OASL: variants seen among roughly 807,000 people sequenced by gnomAD.
The protein encoded by OASL is 2'-5'-oligoadenylate synthetase like.
Under a neutral mutation model 35.3 loss-of-function variants are expected in OASL, and 28 were observed. The ratio of observed to expected loss-of-function variants is 0.79; its 90% confidence interval spans 0.59 to 1.09. The LOEUF (loss-of-function observed/expected upper bound fraction) is 1.09. Ranked by LOEUF, OASL falls within the 50% of genes least tolerant of loss-of-function variation. OASL has a pLI of 0.00. For synonymous variants in OASL, 252 were observed against 254.6 expected (o/e 0.99, Z 0.10); for missense variants, 620 against 635.2 (o/e 0.98, Z 0.26).
At chr12:121,020,111 T>G (rs2259690) in exon 6 of OASL, 68,101 of 155,166 alleles carry the variant, frequency 0.44, 15,953 homozygotes, top group East Asian at 0.74. Context: ...GGATAATCCT[T>G]TTTTTAAACG....
At chr12:121,033,740 C>A (rs778376860) in exon 2 of OASL, 1 of 1,611,784 alleles carries the variant, frequency 6.2e-7, no homozygotes, top group Non-Finnish European at 8.5e-7. Context: ...CCGAAGGAGC[C>A]CACCTGCAGA....
intron 3 of OASL, among the ~76,000 whole-genome samples, chr12:121,029,666 C>G (rs573835759): frequency 6.6e-6 from 1 of 151,074 alleles, no homozygotes; most frequent in East Asian, 1.9e-4. Flanking sequence ...CCAGCCTGGG[C>G]GACAGAGCAA....
chr12:121,024,902 A>C (rs1035624451), intron 4 of OASL, among the ~76,000 whole-genome samples: 3 of 151,710 alleles, frequency 2.0e-5, no homozygotes, highest in Admixed American at 6.6e-5. Context: ...GCAATTCTAT[A>C]AGGTAGGGAC....
At chr12:121,024,208 C>T (rs534757465) in intron 4 of OASL, 71 bp from the exon 5 acceptor site, 14 of 1,536,770 alleles carry the variant, frequency 9.1e-6, no homozygotes, top group South Asian at 2.3e-5. Context: ...AAAACCTTCT[C>T]GGCAATTATT....
At chr12:121,027,578 C>T (rs1353637776) in exon 4 of OASL, 5 of 1,613,998 alleles carry the variant, frequency 3.1e-6, no homozygotes, top group South Asian at 2.2e-5. Flanking sequence ...TCCAGTACCT[C>T]TCTTTTTTGA....
chr12:121,022,245 C>T (rs911612731), intron 5 of OASL, among the ~76,000 whole-genome samples: 2 of 152,182 alleles, frequency 1.3e-5, no homozygotes, highest in Admixed American at 6.5e-5. Flanking sequence ...TGCCACCACA[C>T]CCAGCTAATT....
chr12:121,022,770 C>T (rs576146687), intron 5 of OASL, among the ~76,000 whole-genome samples: 7 of 152,284 alleles, frequency 4.6e-5, no homozygotes, highest in South Asian at 2.1e-4. Flanking sequence ...TATCTCCCCC[C>T]GGCCTTTAGG....
chr12:121,026,391 TC>T (rs1218485994), intron 4 of OASL, among the ~76,000 whole-genome samples: 1 of 152,170 alleles, frequency 6.6e-6, no homozygotes, highest in Non-Finnish European at 1.5e-5. Flanking sequence ...GGGTTGGGCT[TC>T]CCCTGAAGCA....
At chr12:121,035,790 C>T (rs9943763) in intron 1 of OASL, among the ~76,000 whole-genome samples, 6,627 of 152,156 alleles carry the variant, frequency 0.044, 465 homozygotes, top group African/African-American at 0.15. Flanking sequence ...ACCTCCACCC[C>T]CTGGGAGAGG....
At chr12:121,024,041 C>T (rs780149343) in exon 5 of OASL, 2 of 1,614,178 alleles carry the variant, frequency 1.2e-6, no homozygotes, top group East Asian at 2.2e-5. Context: ...AGCAACAGTC[C>T]TGTTTCAGGC....
At chr12:121,019,724 A>G (rs987780606) in exon 6 of OASL, 2 of 152,216 alleles carry the variant, frequency 1.3e-5, no homozygotes, top group African/African-American at 4.8e-5. Flanking sequence ...TGCTATAGCA[A>G]AGGAACCAGC....
chr12:121,030,720 C>T (rs953629181), intron 3 of OASL, among the ~76,000 whole-genome samples: 4 of 152,096 alleles, frequency 2.6e-5, no homozygotes, highest in Admixed American at 2.0e-4. Flanking sequence ...GCCCTCTTTT[C>T]GACTCCTGGG....
At chr12:121,036,077 G>A (rs1156603251) in intron 1 of OASL, among the ~76,000 whole-genome samples, 6 of 152,024 alleles carry the variant, frequency 3.9e-5, no homozygotes, top group Admixed American at 2.0e-4. Context: ...TGCCCAGGCT[G>A]GTCTCGAATT....
chr12:121,027,568 T>A lies in OASL; in HGVS notation c.899+8A>T, dbSNP rs756058365. ...GTAAGATTTGGTGGGCAAACAGTGG[T>A]CCAGTACCTCTCTTTTTTGAGCTGT... is the stretch of plus-strand genomic sequence containing the variant. On this transcript the variant is annotated splice_region_variant and intron_variant, in intron 4 of 5. Coordinates refer to ENST00000257570, the Ensembl canonical transcript of OASL. 6.2e-7 allele frequency: 1 copy of A among 1,614,062 alleles called. No homozygotes were observed.
At chr12:121,039,184 G>C (rs112069656) in exon 1 of OASL, 1 of 581,880 alleles carries the variant, frequency 1.7e-6, no homozygotes, top group Admixed American at 3.0e-5. Flanking sequence ...GGGCACAGGA[G>C]GACTCTGGGC....
At chr12:121,028,174 A>C (rs1869568777) in intron 3 of OASL, among the ~76,000 whole-genome samples, 1 of 152,198 alleles carries the variant, frequency 6.6e-6, no homozygotes, top group Admixed American at 6.5e-5. Flanking sequence ...AAGAAAGGAA[A>C]GGTTTCCTTA....
intron 3 of OASL, among the ~76,000 whole-genome samples, chr12:121,029,160 T>C (rs1869627620): frequency 6.6e-6 from 1 of 151,664 alleles, no homozygotes; most frequent in African/African-American, 2.4e-5. Context: ...GTTTGATTTG[T>C]GGAAGTAAAA....
At position 121,020,801 on chromosome 12, in the gene OASL, C is replaced by CT; in HGVS notation, c.1304dup (p.Val436GlyfsTer7). 1 of 1,614,128 alleles carries CT rather than the reference C, an allele frequency of 6.2e-7. No individual in the cohort carries two copies. Among genetic ancestry groups the CT allele is most frequent in the Non-Finnish European group, 8.5e-7 (1 of 1,180,026 alleles). ...CACCATCAGGATTCTTCACGAAGAC[C>CT]TGGATCTCGGAGGGGATGGTCTCCA... is the stretch of plus-strand genomic sequence containing the variant. On this transcript the variant is annotated frameshift_variant, in exon 6 of 6. Transcript: ENST00000257570. LOFTEE classifies it low-confidence loss of function (END_TRUNC).
intron 2 of OASL, among the ~76,000 whole-genome samples, chr12:121,032,542 C>T (rs951179727): frequency 5.3e-5 from 8 of 152,060 alleles, no homozygotes; most frequent in African/African-American, 1.4e-4. Context: ...CTTGGGATCC[C>T]GAAGAGGTTC....
Sources: allele counts gnomAD v4.1 joint callset (sites outside exome capture counted in the v4.1 genomes callset), GRCh38; gene constraint gnomAD v4.1.1; transcripts MANE v1.5; gene names NCBI Gene and HGNC (gene_info 2026-07-23, HGNC 2026-07-21).